RC3H1: variants seen among roughly 807,000 people sequenced by gnomAD.
RC3H1 encodes roquin-1.
In RC3H1, 50 loss-of-function variants were observed where a neutral mutation model predicts 138.2. The ratio of observed to expected loss-of-function variants is 0.36; its 90% confidence interval spans 0.29 to 0.46. The LOEUF (loss-of-function observed/expected upper bound fraction) is 0.46, where lower values mean the gene tolerates loss of function less well. Ranked by LOEUF, RC3H1 falls within the 20% of genes least tolerant of loss-of-function variation. The pLI is 1.00. For synonymous variants in RC3H1, 462 were observed against 489.1 expected, an observed-to-expected ratio of 0.94 and a Z score of 0.73; for missense variants, 1,031 against 1,388.1, an observed-to-expected ratio of 0.74 and a Z score of 4.09.
chr1:173,958,715 C>T (rs905794156), intron 13 of RC3H1, among the ~76,000 whole-genome samples: 1 of 151,932 alleles, frequency 6.6e-6, no homozygotes, highest in East Asian at 1.9e-4. Flanking sequence ...TAACTACTAG[C>T]ATTGTCATAC....
At position 173,993,855 on chromosome 1, in the gene RC3H1, A is replaced by G. The variant is rs538098848; in HGVS notation, c.-150-720T>C. Among the ~76,000 whole-genome samples the G allele has an allele frequency of 6.0e-5, 9 of 151,210 alleles. No homozygotes were observed. The East Asian group carries it at 1.6e-3, about 27-fold the overall frequency. The stretch of plus-strand genomic sequence containing the variant: ...GCCAACATGGTGAAACCCCATGTCC[A>G]CTAAAAATACAAAAATTAGCCAGGC... On this transcript the variant is annotated intron_variant, in intron 1 of 19. Coordinates refer to ENST00000367696, the MANE Select transcript of RC3H1 (RefSeq NM_172071.4).
At chr1:173,981,074 A>G (rs1660794374) in intron 5 of RC3H1, 65 bp from the exon 6 acceptor site, 10 of 1,324,106 alleles carry the variant, frequency 7.6e-6, no homozygotes, top group East Asian at 2.3e-5. Context: ...ATATGAACAT[A>G]TAATTTTTAA....
chr1:174,003,385 T>TCACACACACACACA (rs3220994), intron 1 of RC3H1, among the ~76,000 whole-genome samples: 183 of 143,320 alleles, frequency 1.3e-3, no homozygotes, highest in Middle Eastern at 7.4e-3. Context: ...AAGACTCCTA[T>TCACACACACACACA]CACACACACA....
At chr1:174,012,805 AAAG>A (rs1661792418) in intron 1 of RC3H1, among the ~76,000 whole-genome samples, 1 of 151,636 alleles carries the variant, frequency 6.6e-6, no homozygotes, top group African/African-American at 2.4e-5. Context: ...AAAGAAAAGA[AAAG>A]AAAAGAAAGA....
intron 9 of RC3H1, among the ~76,000 whole-genome samples, chr1:173,968,413 T>C (rs1660211457): frequency 6.6e-6 from 1 of 152,190 alleles, no homozygotes; most frequent in South Asian, 2.1e-4. Flanking sequence ...ACTCAATATT[T>C]CTCTTATGTT....
At chr1:174,020,256 T>A (rs917071929) in intron 1 of RC3H1, among the ~76,000 whole-genome samples, 2 of 152,094 alleles carry the variant, frequency 1.3e-5, no homozygotes, top group African/African-American at 4.8e-5. Flanking sequence ...ATTCAAAAAA[T>A]CAAAACATCT....
chr1:173,963,918 G>C, intron 11 of RC3H1, 55 bp downstream of exon 11: 2 of 1,426,110 alleles, frequency 1.4e-6, no homozygotes, highest in Non-Finnish European at 2.0e-6. Flanking sequence ...CTGACCTGAA[G>C]AACAGTTCTG....
chr1:174,004,223 T>C (rs1048045076), intron 1 of RC3H1, among the ~76,000 whole-genome samples: 3 of 151,710 alleles, frequency 2.0e-5, no homozygotes, highest in Non-Finnish European at 4.4e-5. Context: ...GTGATCCTCT[T>C]ACCTCAGCCT....
At chr1:173,958,430 A>C (rs1571189061) in intron 13 of RC3H1, among the ~76,000 whole-genome samples, 2 of 152,160 alleles carry the variant, frequency 1.3e-5, no homozygotes, top group East Asian at 3.9e-4. Flanking sequence ...CTATAATACC[A>C]GTTACTGGGG....
chr1:174,022,013 C>T lies in RC3H1; in HGVS notation c.-151+83G>A. 1 of 388,132 alleles carries T rather than the reference C, an allele frequency of 2.6e-6. No homozygotes were observed. Among genetic ancestry groups the T allele is most frequent in the Non-Finnish European group, 4.6e-6 (1 of 219,378 alleles). The allele number at this position is 388,132 out of a possible 1,614,324, so 24.0% of individuals were successfully genotyped here. Reference sequence around the variant, plus strand: ...AGGGCGGGCGAGGACAAACCCTTCCCGACCACAGCTGCCTATTGTTCCCGA... The same window carrying T: ...AGGGCGGGCGAGGACAAACCCTTCCTGACCACAGCTGCCTATTGTTCCCGA... On this transcript the variant is annotated intron_variant, in intron 1 of 19. Coordinates refer to ENST00000367696, the MANE Select transcript of RC3H1 (RefSeq NM_172071.4). This position sits in a 1 kb window ranked among gnomAD's most constrained non-coding sequence, Gnocchi z 4.2.
At chr1:174,006,518 A>G (rs1205624094) in intron 1 of RC3H1, among the ~76,000 whole-genome samples, 1 of 152,204 alleles carries the variant, frequency 6.6e-6, no homozygotes, top group Admixed American at 6.5e-5. Context: ...ACCCACATCT[A>G]TCTGACTCCA....
chr1:174,004,250 T>C (rs944836514), intron 1 of RC3H1, among the ~76,000 whole-genome samples: 3 of 151,814 alleles, frequency 2.0e-5, no homozygotes, highest in Non-Finnish European at 4.4e-5. Context: ...TAGCCAGGAC[T>C]ATAGGTGTGC....
intron 1 of RC3H1, among the ~76,000 whole-genome samples, chr1:174,004,799 A>C (rs974063115): frequency 2.6e-5 from 4 of 152,022 alleles, no homozygotes; most frequent in Non-Finnish European, 4.4e-5. Context: ...AAAAAAGTCT[A>C]TCGGGCTAAT....
chr1:174,012,183 A>C (rs1661782393), intron 1 of RC3H1, among the ~76,000 whole-genome samples: 1 of 151,852 alleles, frequency 6.6e-6, no homozygotes, highest in Non-Finnish European at 1.5e-5. Context: ...GTGAGCCCTG[A>C]TCCCTCTACT....
chr1:174,021,807 C>T (rs1661967822), intron 1 of RC3H1, among the ~76,000 whole-genome samples: 1 of 152,228 alleles, frequency 6.6e-6, no homozygotes, highest in South Asian at 2.1e-4. Context: ...CTTTCGCCCC[C>T]TCCCTCTCGT....
chr1:174,007,938 C>G (rs373206824), intron 1 of RC3H1, among the ~76,000 whole-genome samples: 1 of 152,092 alleles, frequency 6.6e-6, no homozygotes, highest in African/African-American at 2.4e-5. Context: ...CTGGAAGGAA[C>G]AAAAATGAGT....
chr1:173,958,683 A>G (rs1263912467), intron 13 of RC3H1, among the ~76,000 whole-genome samples: 2 of 152,206 alleles, frequency 1.3e-5, no homozygotes, highest in Admixed American at 6.5e-5. Flanking sequence ...CATTAAGATA[A>G]TAAGACAACA....
chr1:173,944,937 T>C (rs1659069958), intron 17 of RC3H1, among the ~76,000 whole-genome samples: 1 of 152,150 alleles, frequency 6.6e-6, no homozygotes, highest in Non-Finnish European at 1.5e-5. Context: ...TTACTTATTA[T>C]TAAAGATTAT....
chr1:173,941,488 T>G, intron 18 of RC3H1, 108 bp from the exon 19 acceptor site: 1 of 682,870 alleles, frequency 1.5e-6, no homozygotes. Flanking sequence ...CATATTCAAT[T>G]TTGTAAAATA....
Sources: gnomAD v4.1 joint callset for allele counts (sites outside exome capture counted in the v4.1 genomes callset) on GRCh38, gnomAD v4.1.1 for gene constraint, Gnocchi (gnomAD v3.1) non-coding constraint, MANE v1.5 for transcripts, NCBI Gene and HGNC (gene_info 2026-07-23, HGNC 2026-07-21) for gene names.